Variants in GLIS3 observed in about 807,000 individuals in gnomAD.
GLIS3 encodes the protein zinc finger protein GLIS3.
GLIS3 carries 53 observed loss-of-function variants against 78.6 expected under a neutral mutation model. The ratio of observed to expected loss-of-function variants is 0.67; its 90% CI spans 0.54 to 0.85. The LOEUF (loss-of-function observed/expected upper bound fraction) is 0.85, where lower values mean the gene tolerates loss of function less well. GLIS3 is among the 40% of genes least tolerant of loss of function. The pLI is 0.00. For synonymous variants in GLIS3, 684 were observed against 509.9 expected (o/e 1.34, Z -4.60); for missense variants, 1,703 against 1,231.1 (o/e 1.38, Z -5.74).
chr9:4,156,236 G>A (rs542873942), intron 2 of GLIS3, among the ~76,000 whole-genome samples: 61 of 152,182 alleles, frequency 4.0e-4, no homozygotes, highest in Middle Eastern at 3.4e-3. Flanking sequence ...TAGAAATAAG[G>A]TTATTCCCTC....
chr9:4,489,984 T>G, the GLIS3 span, among the ~76,000 whole-genome samples: 7 of 152,196 alleles, frequency 4.6e-5, no homozygotes, highest in African/African-American at 1.4e-4. Flanking sequence ...GCTTCAGGCT[T>G]TCGCGGCTGC....
rs1818635150 is a variant in GLIS3, at chr9:3,840,319, G to C, written c.2474-10827C>G. 2.0e-5 allele frequency among the ~76,000 whole-genome samples: 3 copies of C among 152,234 alleles called. No homozygotes were observed. In the South Asian group the frequency reaches 6.2e-4, roughly 32 times the overall value. ...TTAAAAGTGAAATTGCCACAATTTG[G>C]TTATCATTTTTGCCTTGGCTGCTTG... On this transcript the variant is annotated intron_variant, in intron 9 of 10. Transcript: ENST00000381971.
intron 2 of GLIS3, among the ~76,000 whole-genome samples, chr9:4,184,489 G>A (rs1269506177): frequency 6.6e-6 from 1 of 152,222 alleles, no homozygotes; most frequent in Non-Finnish European, 1.5e-5. Flanking sequence ...TCCCCTTGGT[G>A]AGCATCTGAG....
chr9:4,144,655 T>G (rs975507926), intron 2 of GLIS3, among the ~76,000 whole-genome samples: 22 of 152,230 alleles, frequency 1.4e-4, no homozygotes, highest in African/African-American at 5.3e-4. Context: ...GGTCTCTAGA[T>G]GGAAAAAGAG....
At chr9:4,436,621 A>G in the GLIS3 span, among the ~76,000 whole-genome samples, 2 of 152,066 alleles carry the variant, frequency 1.3e-5, no homozygotes, top group African/African-American at 4.8e-5. Flanking sequence ...CCTAGCCAAC[A>G]TGATGAAATC....
rs1292078547 is a variant in GLIS3, at chr9:4,299,561, C to G, written c.-239G>C. 6.6e-6 allele frequency: 1 copy of G among 152,620 alleles called. No individual in the cohort carries two copies. Among genetic ancestry groups the G allele is most frequent in the Non-Finnish European group, 1.5e-5 (1 of 68,044 alleles). The allele number at this position is 152,620 out of a possible 1,614,324, so 9.5% of individuals were successfully genotyped here. ...CTTCAGAGCGCTCCGCGGGCTGTGCCTCCTTCGGAAATGAAAACCCCCATC... is the reference window on the plus strand; with the variant it reads ...CTTCAGAGCGCTCCGCGGGCTGTGCGTCCTTCGGAAATGAAAACCCCCATC... On this transcript the variant is annotated 5_prime_UTR_variant, in exon 1 of 11. Coordinates refer to ENST00000381971, the MANE Select transcript of GLIS3 (RefSeq NM_001042413.2).
chr9:3,916,840 C>G (rs894807142), intron 6 of GLIS3, among the ~76,000 whole-genome samples: 7 of 152,140 alleles, frequency 4.6e-5, no homozygotes, highest in Non-Finnish European at 1.0e-4. Flanking sequence ...TTCAATTGCT[C>G]TTGAAAAAGC....
chr9:4,467,321 A>G, the GLIS3 span, among the ~76,000 whole-genome samples: 2 of 152,218 alleles, frequency 1.3e-5, no homozygotes, highest in South Asian at 4.1e-4. Flanking sequence ...CTGAGAACGG[A>G]CAGACTGCCT....
At chr9:4,455,835 G>C in the GLIS3 span, among the ~76,000 whole-genome samples, 1 of 152,196 alleles carries the variant, frequency 6.6e-6, no homozygotes, top group African/African-American at 2.4e-5. Flanking sequence ...TGTTTAGGCC[G>C]GGTGTGGTGG....
At chr9:4,204,465 G>A (rs1490159144) in intron 2 of GLIS3, among the ~76,000 whole-genome samples, 1 of 152,116 alleles carries the variant, frequency 6.6e-6, no homozygotes, top group Non-Finnish European at 1.5e-5. Flanking sequence ...AGGGGAGGAA[G>A]AAAAGGCTGC....
At chr9:4,063,698 A>G (rs1446034743) in intron 4 of GLIS3, among the ~76,000 whole-genome samples, 1 of 152,212 alleles carries the variant, frequency 6.6e-6, no homozygotes, top group African/African-American at 2.4e-5. Flanking sequence ...GAATGAGACA[A>G]ATATTAGAAA....
At chr9:3,849,254 T>C (rs922365526) in intron 9 of GLIS3, among the ~76,000 whole-genome samples, 1 of 151,848 alleles carries the variant, frequency 6.6e-6, no homozygotes, top group Non-Finnish European at 1.5e-5. Context: ...CTGTCTGTGA[T>C]TAGTCCCATT....
the GLIS3 span, among the ~76,000 whole-genome samples, chr9:4,434,146 G>A: frequency 4.9e-4 from 73 of 149,098 alleles, 1 homozygote; most frequent in Admixed American, 4.0e-4. Context: ...TGTGTAGAAC[G>A]CCTCAGAATT....
chr9:4,196,979 C>T (rs1239739448), intron 2 of GLIS3, among the ~76,000 whole-genome samples: 1 of 152,180 alleles, frequency 6.6e-6, no homozygotes, highest in South Asian at 2.1e-4. Flanking sequence ...CATCTGCTTG[C>T]CTGGACCAGC....
At chr9:4,356,512 A>G in the GLIS3 span, among the ~76,000 whole-genome samples, 36 of 152,328 alleles carry the variant, frequency 2.4e-4, no homozygotes, top group South Asian at 7.2e-3. Context: ...TGACTGACAG[A>G]TATTAGATGG....
intron 4 of GLIS3, among the ~76,000 whole-genome samples, chr9:4,009,197 C>A (rs183595341): frequency 6.6e-6 from 1 of 152,312 alleles, no homozygotes; most frequent in Admixed American, 6.5e-5. Context: ...GAGAAAACAA[C>A]AGAATGAAAA....
At chr9:4,431,484 T>A in the GLIS3 span, among the ~76,000 whole-genome samples, 942 of 152,046 alleles carry the variant, frequency 6.2e-3, 10 homozygotes, top group African/African-American at 0.022. Context: ...AATCAGGGAG[T>A]CGGGATCTTT....
At chr9:4,485,601 A>C in the GLIS3 span, among the ~76,000 whole-genome samples, 93 of 152,278 alleles carry the variant, frequency 6.1e-4, 1 homozygote, top group Middle Eastern at 0.01. Flanking sequence ...TGCATTAATT[A>C]AGCTCCATCT....
the GLIS3 span, among the ~76,000 whole-genome samples, chr9:4,450,979 C>G: frequency 0.73 from 110,369 of 152,074 alleles, 40,537 homozygotes; most frequent in Middle Eastern, 0.86. Flanking sequence ...ATAACGACAG[C>G]ATCAAATTCA....
Sources: gnomAD v4.1 joint callset for allele counts (sites outside exome capture counted in the v4.1 genomes callset) on GRCh38, gnomAD v4.1.1 for gene constraint, MANE v1.5 for transcripts, NCBI Gene and HGNC (gene_info 2026-07-23, HGNC 2026-07-21) for gene names.